Variants in DNAH7 observed in about 807,000 individuals in gnomAD.
DNAH7 encodes the protein dynein axonemal heavy chain 7.
In DNAH7, 397 loss-of-function variants were observed where a neutral mutation model predicts 444.6. The observed-to-expected ratio is 0.89, with a 90% CI of 0.82 to 0.97. The LOEUF (loss-of-function observed/expected upper bound fraction) is 0.97, where lower values mean the gene tolerates loss of function less well. Among genes scored for constraint, DNAH7 ranks in the 50% least tolerant of loss-of-function variants. The pLI is 0.00. For missense variants in DNAH7, 4,902 were observed against 4,800.8 expected, an observed-to-expected ratio of 1.02 and a Z score of -0.62; for synonymous variants, 1,636 against 1,624.4, an observed-to-expected ratio of 1.01 and a Z score of -0.17.
chr2:195,993,369 C>A (rs949319839), intron 12 of DNAH7, among the ~76,000 whole-genome samples: 5 of 151,988 alleles, frequency 3.3e-5, no homozygotes, highest in African/African-American at 7.3e-5. Flanking sequence ...TCAAAGTAAG[C>A]AATTAAATTG....
At chr2:195,923,541 T>C in intron 23 of DNAH7, 54 bp downstream of exon 23, 1 of 1,565,890 alleles carries the variant, frequency 6.4e-7, no homozygotes, top group Non-Finnish European at 8.8e-7. Context: ...AGCACAAATT[T>C]AAAACTACGA....
At chr2:195,849,773 T>C (rs1474277813) in intron 46 of DNAH7, among the ~76,000 whole-genome samples, 1 of 151,980 alleles carries the variant, frequency 6.6e-6, no homozygotes, top group Non-Finnish European at 1.5e-5. Flanking sequence ...GGATAATTTT[T>C]TGTATTTTTT....
At chr2:195,743,007 T>G (rs1045295665) in intron 63 of DNAH7, among the ~76,000 whole-genome samples, 1 of 152,232 alleles carries the variant, frequency 6.6e-6, no homozygotes, top group Admixed American at 6.5e-5. Context: ...GGACACCATC[T>G]AATCAGCTTC....
At chr2:196,025,434 C>T (rs1011375465) in intron 7 of DNAH7, among the ~76,000 whole-genome samples, 1 of 152,108 alleles carries the variant, frequency 6.6e-6, no homozygotes, top group Non-Finnish European at 1.5e-5. Context: ...TCTAAAAAGG[C>T]ATATAAAGCC....
At chr2:195,924,392 A>G (rs1220443299) in intron 22 of DNAH7, among the ~76,000 whole-genome samples, 1 of 152,166 alleles carries the variant, frequency 6.6e-6, no homozygotes. Context: ...AGGAGTTTTG[A>G]GACCAGCCTG....
chr2:195,957,034 CA>C (rs1466932509), intron 19 of DNAH7, among the ~76,000 whole-genome samples: 1 of 152,176 alleles, frequency 6.6e-6, no homozygotes, highest in Non-Finnish European at 1.5e-5. Flanking sequence ...GGTTGTTAAA[CA>C]ATGCAAATTC....
At chr2:195,900,252 T>C (rs1184114115) in intron 28 of DNAH7, 30 bp downstream of exon 28, 1 of 1,607,566 alleles carries the variant, frequency 6.2e-7, no homozygotes, top group Non-Finnish European at 8.5e-7. Context: ...AAATAGGAAA[T>C]TTACAAGTAA....
In DNAH7 at chr2:196,024,424, C is replaced by T. The variant is rs1405662092; in HGVS notation, c.743+5G>A. 1 of 1,566,222 alleles carries T rather than the reference C, an allele frequency of 6.4e-7. No homozygotes were observed. Among genetic ancestry groups the T allele is most frequent in the East Asian group, 2.3e-5 (1 of 43,088 alleles). On this transcript the variant is annotated splice_donor_5th_base_variant and intron_variant, in intron 8 of 64. Transcript: ENST00000312428. ...CAACATTCTTAGAGAAATCTGATCA[C>T]TTACTCAGCACGATGGGCTGGAAGT...
chr2:195,799,271 G>A (rs375106169), intron 55 of DNAH7, 25 bp downstream of exon 55: 303 of 1,448,754 alleles, frequency 2.1e-4, no homozygotes, highest in Admixed American at 6.8e-4. Flanking sequence ...AATAATATCC[G>A]ATAACTTCAT....
intron 5 of DNAH7, among the ~76,000 whole-genome samples, chr2:196,030,213 A>C (rs1695964345): frequency 6.6e-6 from 1 of 152,200 alleles, no homozygotes; most frequent in African/African-American, 2.4e-5. Context: ...AAAGACAGAG[A>C]AATGAGAGCC....
chr2:196,028,016 G>C lies in DNAH7; in HGVS notation c.430C>G (p.Pro144Ala), dbSNP rs375319092. 13 of 1,609,626 alleles carry C rather than the reference G, an allele frequency of 8.1e-6. No homozygotes were observed. In the South Asian group the frequency reaches 1.4e-4, roughly 18 times the overall value. Reference sequence around the variant, plus strand: ...GGTTTTGGAATTGTGCTTCCATCAGGGACAGCTGAGTCTAAGTCAGCATCT... The same window carrying C: ...GGTTTTGGAATTGTGCTTCCATCAGCGACAGCTGAGTCTAAGTCAGCATCT... ...QQDADLDSAV[P>A]DGSTIPKPTA... Residue 144 changes from proline to alanine, a missense_variant, in exon 6 of 65, where the codon CCT (proline) becomes GCT (alanine). Coordinates refer to ENST00000312428, the MANE Select transcript of DNAH7 (RefSeq NM_018897.3).
At chr2:195,900,230 C>A in intron 28 of DNAH7, 52 bp downstream of exon 28, 1 of 1,580,942 alleles carries the variant, frequency 6.3e-7, no homozygotes, top group Non-Finnish European at 8.7e-7. Flanking sequence ...ACCCATTAGG[C>A]TGGAAATCTA....
chr2:195,738,652 C>G (rs1438589205), intron 64 of DNAH7, among the ~76,000 whole-genome samples: 7 of 152,254 alleles, frequency 4.6e-5, no homozygotes, highest in Middle Eastern at 6.8e-3. Flanking sequence ...ATACCCCATT[C>G]TTTTTAGTCA....
At position 195,816,669 on chromosome 2, in the gene DNAH7, C is replaced by G; in HGVS notation, c.9720G>C (p.Leu3240=). The change falls in exon 51 of 65, where the codon CTG becomes CTC. Residue 3240 remains leucine (L), a synonymous_variant. Coordinates refer to ENST00000312428, the MANE Select transcript of DNAH7 (RefSeq NM_018897.3). ...SLTWFINLFI[L]SIENSEKSEI... ...CTGATTTCTCTGAATTTTCAATAGA[C>G]AGGATGAAAAGGTTAATAAACCAGG... 6.2e-7 allele frequency: 1 copy of G among 1,613,348 alleles called. No individual in the cohort carries two copies. The highest frequency in any genetic ancestry group is 8.5e-7 in the Non-Finnish European group (1 of 1,179,762).
At chr2:195,946,966 T>C (rs2125458867) in intron 19 of DNAH7, among the ~76,000 whole-genome samples, 1 of 152,136 alleles carries the variant, frequency 6.6e-6, no homozygotes, top group South Asian at 2.1e-4. Context: ...GAAAGATCAA[T>C]AAGGGAGCCT....
At position 195,938,986 on chromosome 2, in the gene DNAH7, C is replaced by T. The variant is rs999660611; in HGVS notation, c.3079-2194G>A. ...AACAGACTTGGTGTCTGTCCACACT[C>T]TATTCCCCACTACCTGTGCGACCTT... is the stretch of plus-strand genomic sequence containing the variant. On this transcript the variant is annotated intron_variant, in intron 19 of 64. Coordinates refer to ENST00000312428, the MANE Select transcript of DNAH7 (RefSeq NM_018897.3). 2.0e-5 allele frequency among the ~76,000 whole-genome samples: 3 copies of T among 152,282 alleles called. No individual in the cohort carries two copies. In the South Asian group the frequency reaches 6.2e-4, roughly 32 times the overall value.
chr2:195,829,115 G>A (rs1225857983), intron 48 of DNAH7, among the ~76,000 whole-genome samples: 2 of 151,940 alleles, frequency 1.3e-5, no homozygotes, highest in Non-Finnish European at 2.9e-5. Flanking sequence ...ATTACTCTAG[G>A]TTGTTATTTT....
At chr2:196,050,401 A>G (rs985893878) in intron 3 of DNAH7, among the ~76,000 whole-genome samples, 13 of 152,182 alleles carry the variant, frequency 8.5e-5, no homozygotes, top group African/African-American at 2.9e-4. Context: ...AGATGAAAAG[A>G]GTTCTGGAGA....
intron 63 of DNAH7, among the ~76,000 whole-genome samples, chr2:195,748,585 A>G (rs1693577804): frequency 6.6e-6 from 1 of 152,218 alleles, no homozygotes; most frequent in South Asian, 2.1e-4. Flanking sequence ...ACTTCAAACT[A>G]TACTACAAGG....
Sources: allele counts gnomAD v4.1 joint callset (sites outside exome capture counted in the v4.1 genomes callset), GRCh38; gene constraint gnomAD v4.1.1; transcripts MANE v1.5; gene names NCBI Gene and HGNC (gene_info 2026-07-23, HGNC 2026-07-21).